Variants in STK25 observed in about 807,000 individuals in gnomAD.
STK25 encodes serine/threonine kinase 25, also known as serine/threonine-protein kinase 25.
A neutral mutation model predicts 53.8 loss-of-function variants in STK25; 29 were observed. The ratio of observed to expected loss-of-function variants is 0.54; its 90% CI spans 0.40 to 0.74. The LOEUF is 0.74. Among genes scored for constraint, STK25 ranks in the 30% least tolerant of loss-of-function variants. The pLI is 0.00. For missense variants in STK25, 420 were observed against 568.0 expected (o/e 0.74, Z 2.65); for synonymous variants, 247 against 238.3 (o/e 1.04, Z -0.33).
chr2:241,509,000 C>T (rs2066021333), upstream of STK25, among the ~76,000 whole-genome samples: 1 of 152,346 alleles, frequency 6.6e-6, no homozygotes, highest in South Asian at 2.1e-4. Flanking sequence ...CGGCGCCCTC[C>T]CCGCCTCGCC....
At position 241,500,238 on chromosome 2, in the gene STK25, A is replaced by T; in HGVS notation, c.362T>A (p.Leu121Gln). ...ATCCAGGCCCTTCAGAATCTCCCGC[A>T]GGATCGTGGCAATGTATGTCTCCTC... ...PLEETYIATI[L>Q]REILKGLDYL... Residue 121 changes from leucine (L) to glutamine (Q), a missense_variant, in exon 5 of 12, where the codon CTG (leucine) becomes CAG (glutamine). Transcript: ENST00000316586. The T allele has an allele frequency of 6.2e-7, 1 of 1,614,038 alleles. No homozygotes were observed. The highest frequency in any genetic ancestry group is 2.2e-5 in the East Asian group (1 of 44,862).
At position 241,496,270 on chromosome 2, in the gene STK25, TC is replaced by T; in HGVS notation, c.1241+127del. Reference sequence around the variant, plus strand: ...AGGAAGAGGATGCCACGCCGCGCCTTCCCAGAGTGAAGCGAGCCCATGTAGT... The same window carrying T: ...AGGAAGAGGATGCCACGCCGCGCCTTCCAGAGTGAAGCGAGCCCATGTAGT... On this transcript the variant is annotated intron_variant, in intron 11 of 11. Coordinates refer to ENST00000316586, the MANE Select transcript of STK25 (RefSeq NM_001271977.2). The surrounding 1 kb of genome is among the most constrained non-coding windows in gnomAD (Gnocchi z 5.8). The T allele has an allele frequency of 8.3e-7, 1 of 1,206,624 alleles. No individual in the cohort carries two copies. Among genetic ancestry groups the T allele is most frequent in the Admixed American group, 2.0e-5 (1 of 50,046 alleles). 74.7% of individuals were successfully genotyped at this position (1,206,624 alleles called of 1,614,324 possible).
chr2:241,504,759 T>C (rs751883715), intron 2 of STK25, among the ~76,000 whole-genome samples: 5 of 152,094 alleles, frequency 3.3e-5, no homozygotes, highest in Admixed American at 2.0e-4. Context: ...CTGGCTGTCA[T>C]AGGTAAGCAG....
At chr2:241,499,658 C>G in intron 5 of STK25, 1 of 583,548 alleles carries the variant, frequency 1.7e-6, no homozygotes, top group Non-Finnish European at 3.0e-6. Context: ...GCTTTTACGA[C>G]AAATCCCAAC....
rs1323732373 is a variant in STK25, at chr2:241,500,289, G to A, written c.319-8C>T. ...CAGGGGACCTGGTTTAAGCTGGAGAGGAAGGTGCGACAGCAGGGCCTCAGC... is the reference window on the plus strand; with the variant it reads ...CAGGGGACCTGGTTTAAGCTGGAGAAGAAGGTGCGACAGCAGGGCCTCAGC... On this transcript the variant is annotated splice_polypyrimidine_tract_variant and splice_region_variant and intron_variant, in intron 4 of 11. Coordinates refer to ENST00000316586, the MANE Select transcript of STK25 (RefSeq NM_001271977.2). 2.5e-6 allele frequency: 4 copies of A among 1,606,552 alleles called. No homozygotes were observed. Among genetic ancestry groups the A allele is most frequent in the Non-Finnish European group, 3.4e-6 (4 of 1,173,422 alleles).
chr2:241,496,372 C>A lies in STK25; in HGVS notation c.1241+26G>T. The A allele has an allele frequency of 6.2e-7, 1 of 1,604,104 alleles. No individual in the cohort carries two copies. The highest frequency in any genetic ancestry group is 8.5e-7 in the Non-Finnish European group (1 of 1,173,784). Reference sequence around the variant, plus strand: ...AGCTTCTTGGTGGGGGTGCTCTCCCCGACCCTATGGCACGGCCGCCCTCAC... The same window carrying A: ...AGCTTCTTGGTGGGGGTGCTCTCCCAGACCCTATGGCACGGCCGCCCTCAC... On this transcript the variant is annotated intron_variant, in intron 11 of 11. Transcript: ENST00000316586. This position sits in a 1 kb window ranked among gnomAD's most constrained non-coding sequence, Gnocchi z 5.8.
At position 241,499,127 on chromosome 2, in the gene STK25, C is replaced by G. The variant is rs370290798; in HGVS notation, c.633G>C (p.Gly211=). 1.2e-6 allele frequency: 2 copies of G among 1,613,776 alleles called. No individual in the cohort carries two copies. The highest frequency in any genetic ancestry group is 1.7e-6 in the Non-Finnish European group (2 of 1,179,754). ...LGITAIELAK[G]EPPNSDLHPM... is the part of the protein sequence containing the mutation. The stretch of plus-strand genomic sequence containing the variant: ...GGTGGAGGTCAGAGTTTGGAGGCTC[C>G]CCCTTGGCCAGCTCGATGGCTGTGA... Residue 211 remains glycine, a synonymous_variant, in exon 7 of 12, where the codon GGG becomes GGC. Transcript: ENST00000316586.
At chr2:241,508,911 C>T (rs1273508281), upstream of STK25, among the ~76,000 whole-genome samples, 1 of 152,166 alleles carries the variant, frequency 6.6e-6, no homozygotes, top group Non-Finnish European at 1.5e-5. Flanking sequence ...GGCGTCGTCT[C>T]CGACGTTACG....
upstream of STK25, among the ~76,000 whole-genome samples, chr2:241,508,858 T>C (rs2066015888): frequency 6.6e-6 from 1 of 151,998 alleles, no homozygotes; most frequent in Non-Finnish European, 1.5e-5. Flanking sequence ...GCGCCCTCCC[T>C]GCCTCGCCCT....
rs1282333039 is a variant in STK25 at position 241,500,748 on chromosome 2, G to C, written c.310C>G (p.Leu104Val). ...IMEYLGGGSA[L>V]DLLKPGPLEE... Reference sequence around the variant, plus strand: ...CATGGCCTATGCCTCACCAAGTCCAGTGCTGAGCCGCCGCCCAGGTACTCC... The same window carrying C: ...CATGGCCTATGCCTCACCAAGTCCACTGCTGAGCCGCCGCCCAGGTACTCC... The change falls in exon 4 of 12, where the codon CTG becomes GTG. Residue 104 changes from leucine to valine, a missense_variant. Physicochemically the swap from Leu to Val is conservative, Grantham distance 32. Transcript: ENST00000316586. 6 of 1,613,972 alleles carry C rather than the reference G, an allele frequency of 3.7e-6. No homozygotes were observed. The highest frequency in any genetic ancestry group is 5.1e-6 in the Non-Finnish European group (6 of 1,179,964).
rs1272543468 is a variant in STK25, at chr2:241,504,031, C to A, written c.31-2323G>T. The stretch of plus-strand genomic sequence containing the variant: ...GAGGGTGGAAGGGGCGGCACACAGG[C>A]CCCCACCTTGAAACATGCCGCTGCA... On this transcript the variant is annotated intron_variant, in intron 2 of 11. Transcript: ENST00000316586. 1.1e-5 allele frequency: 5 copies of A among 471,224 alleles called. No homozygotes were observed. The East Asian group carries it at 3.5e-4, about 33-fold the overall frequency. 29.2% of individuals were successfully genotyped at this position (471,224 alleles called of 1,614,324 possible).
In STK25 at chr2:241,493,911, C is replaced by T. The variant is rs2065029607; in HGVS notation, c.*1751G>A. The stretch of plus-strand genomic sequence containing the variant: ...CGCACCCGGCCCCAGGTTTTTAACC[C>T]TTCTTTTGTCCTGCTTGTCCCATAT... On this transcript the variant is annotated 3_prime_UTR_variant, in exon 12 of 12. Transcript: ENST00000316586. 2 of 779,380 alleles carry T rather than the reference C, an allele frequency of 2.6e-6. No homozygotes were observed. Among genetic ancestry groups the T allele is most frequent in the East Asian group, 2.9e-5 (1 of 34,174 alleles). 48.3% of individuals were successfully genotyped at this position (779,380 alleles called of 1,614,324 possible). A position where few individuals can be genotyped will look rare whatever the true frequency, so the allele number is the denominator to read the frequency against.
intron 8 of STK25, 124 bp downstream of exon 8, chr2:241,498,515 G>T (rs879111849): frequency 1.5e-6 from 2 of 1,355,006 alleles, no homozygotes; most frequent in South Asian, 2.8e-5. Context: ...CAGCCTTGAG[G>T]GGGTCCCTGC....
At chr2:241,499,868 TG>T in intron 5 of STK25, 6 of 495,724 alleles carry the variant, frequency 1.2e-5, no homozygotes, top group South Asian at 1.1e-4. Context: ...GACCACACGC[TG>T]GGGCTACTCA....
intron 5 of STK25, chr2:241,499,950 C>A (rs1250909732): frequency 4.6e-6 from 3 of 646,772 alleles, no homozygotes; most frequent in Non-Finnish European, 5.7e-6. Flanking sequence ...CCCTTTCCTA[C>A]ACTCAGTCCA....
rs1403375790 is a variant in STK25 at position 241,501,370 on chromosome 2, G to T, written c.261+108C>A. 3 of 1,156,710 alleles carry T rather than the reference G, an allele frequency of 2.6e-6. No individual in the cohort carries two copies. Among genetic ancestry groups the T allele is most frequent in the South Asian group, 1.3e-5 (1 of 75,914 alleles). 71.7% of individuals were successfully genotyped at this position (1,156,710 alleles called of 1,614,324 possible). ...GGCAGTTTCCCGGAGGGCATGCACT[G>T]AACCGTCAAGACCGCCTTGCACCCT... On this transcript the variant is annotated intron_variant, in intron 3 of 11. Coordinates refer to ENST00000316586, the MANE Select transcript of STK25 (RefSeq NM_001271977.2). The surrounding 1 kb of genome is among the most constrained non-coding windows in gnomAD (Gnocchi z 5.3).
At chr2:241,507,059 C>T (rs938256662) in intron 2 of STK25, among the ~76,000 whole-genome samples, 4 of 152,328 alleles carry the variant, frequency 2.6e-5, no homozygotes, top group Non-Finnish European at 2.9e-5. Context: ...CCACTGCAGG[C>T]CCAACTCTCC....
chr2:241,508,741 G>A (rs1366692984), upstream of STK25: 12 of 984,998 alleles, frequency 1.2e-5, 1 homozygote, highest in South Asian at 4.7e-4. Flanking sequence ...TCGCATGCGC[G>A]CCGCGAGGCT....
At chr2:241,500,833 A>C in intron 3 of STK25, 37 bp from the exon 4 acceptor site, 3 of 1,609,120 alleles carry the variant, frequency 1.9e-6, no homozygotes, top group Non-Finnish European at 2.6e-6. Context: ...ATTTGGCAGC[A>C]AGAGGAAGGG....
Sources: allele counts gnomAD v4.1 joint callset (sites outside exome capture counted in the v4.1 genomes callset), GRCh38; gene constraint gnomAD v4.1.1; non-coding constraint Gnocchi (gnomAD v3.1); transcripts MANE v1.5; gene names NCBI Gene and HGNC (gene_info 2026-07-23, HGNC 2026-07-21).